PKIG: variants seen among roughly 807,000 people sequenced by gnomAD.
The protein encoded by PKIG is protein kinase (cAMP-dependent, catalytic) inhibitor gamma.
PKIG carries 1 observed loss-of-function variant against 6.8 expected under a neutral mutation model. The observed-to-expected ratio is 0.15, with a 90% CI of 0.05 to 0.69. The LOEUF (loss-of-function observed/expected upper bound fraction) is 0.69, where lower values mean the gene tolerates loss of function less well. Among genes scored for constraint, PKIG ranks in the 30% least tolerant of loss-of-function variants. The pLI is 0.82. For missense variants in PKIG, 77 were observed against 104.0 expected, an observed-to-expected ratio of 0.74 and a Z score of 1.13; for synonymous variants, 39 against 43.0, an observed-to-expected ratio of 0.91 and a Z score of 0.36.
chr20:44,597,627 T>C (rs939412359), intron 2 of PKIG, among the ~76,000 whole-genome samples: 1 of 152,232 alleles, frequency 6.6e-6, no homozygotes, highest in African/African-American at 2.4e-5. Flanking sequence ...AAGTCTGTGC[T>C]TCCATGAAGG....
chr20:44,585,991 T>G (rs1192656071), intron 1 of PKIG, among the ~76,000 whole-genome samples: 2 of 152,126 alleles, frequency 1.3e-5, no homozygotes, highest in Non-Finnish European at 2.9e-5. Context: ...TGGAAAGAGA[T>G]AGCAGGTGAG....
At chr20:44,611,373 C>T (rs2065217525) in intron 2 of PKIG, among the ~76,000 whole-genome samples, 1 of 150,830 alleles carries the variant, frequency 6.6e-6, no homozygotes, top group African/African-American at 2.4e-5. Context: ...TTATTGTTAA[C>T]CATCACCATA....
intron 2 of PKIG, among the ~76,000 whole-genome samples, chr20:44,596,709 T>C (rs1052001063): frequency 1.3e-5 from 2 of 152,168 alleles, no homozygotes; most frequent in African/African-American, 4.8e-5. Flanking sequence ...CCCCAGCCAC[T>C]GCTGGCAGTG....
rs572086627 is a variant in PKIG at position 44,593,108 on chromosome 20, C to T, written c.-24+3242C>T. On this transcript the variant is annotated intron_variant, in intron 2 of 3. Coordinates refer to ENST00000372886, the MANE Select transcript of PKIG (RefSeq NM_001281445.2). ...ATTCCAGCACTTTGGGAGGCTGAGGCGGGAGTTCGAGACCAACCTGGGCAA... is the reference window on the plus strand; with the variant it reads ...ATTCCAGCACTTTGGGAGGCTGAGGTGGGAGTTCGAGACCAACCTGGGCAA... Among the ~76,000 whole-genome samples the T allele has an allele frequency of 7.5e-4, 113 of 151,510 alleles. 2 individuals carry two copies. In the Middle Eastern group the frequency reaches 0.017, roughly 23 times the overall value.
At chr20:44,576,164 T>A in intron 1 of PKIG, among the ~76,000 whole-genome samples, 1 of 132,916 alleles carries the variant, frequency 7.5e-6, no homozygotes, top group South Asian at 2.2e-4. Flanking sequence ...GTAGAGTGTG[T>A]GTGTGTGTGT....
chr20:44,535,592 G>T (rs1389772678), intron 1 of PKIG, among the ~76,000 whole-genome samples: 1 of 152,170 alleles, frequency 6.6e-6, no homozygotes, highest in Non-Finnish European at 1.5e-5. Context: ...AGTGAGCTGA[G>T]ATTGTACCAT....
At chr20:44,569,004 AT>A (rs1175555641) in intron 1 of PKIG, among the ~76,000 whole-genome samples, 3 of 152,138 alleles carry the variant, frequency 2.0e-5, no homozygotes, top group Non-Finnish European at 4.4e-5. Context: ...GTCAGAGAGC[AT>A]TTACATTTTT....
chr20:44,616,110 C>T (rs1250357667), intron 3 of PKIG, among the ~76,000 whole-genome samples: 45 of 152,178 alleles, frequency 3.0e-4, no homozygotes, highest in Non-Finnish European at 1.0e-4. Flanking sequence ...TGTGGGCCTT[C>T]ACACGCTGCA....
chr20:44,581,515 G>A (rs559149409), upstream of PKIG, among the ~76,000 whole-genome samples: 4 of 152,170 alleles, frequency 2.6e-5, no homozygotes, highest in Non-Finnish European at 5.9e-5. Context: ...CATTGTACAC[G>A]AAAGTAGAGA....
At chr20:44,609,529 C>G (rs916757981) in intron 2 of PKIG, among the ~76,000 whole-genome samples, 1 of 152,218 alleles carries the variant, frequency 6.6e-6, no homozygotes, top group Non-Finnish European at 1.5e-5. Flanking sequence ...TAGACACAAA[C>G]TCCCTCTCCT....
At position 44,614,762 on chromosome 20, in the gene PKIG, C is replaced by T; in HGVS notation, c.151+55C>T. On this transcript the variant is annotated intron_variant, in intron 3 of 3. Coordinates refer to ENST00000372886, the MANE Select transcript of PKIG (RefSeq NM_001281445.2). This position sits in a 1 kb window ranked among gnomAD's most constrained non-coding sequence, Gnocchi z 4.6. ...GCATGCCAGAGGCCCTCTGCCGGGCCCCGGGCTAGCCTCCAAGTCCTAGAC... is the reference window on the plus strand; with the variant it reads ...GCATGCCAGAGGCCCTCTGCCGGGCTCCGGGCTAGCCTCCAAGTCCTAGAC... 2 of 1,583,668 alleles carry T rather than the reference C, an allele frequency of 1.3e-6. No homozygotes were observed. Among genetic ancestry groups the T allele is most frequent in the Non-Finnish European group, 1.7e-6 (2 of 1,159,308 alleles).
chr20:44,563,363 T>C (rs2064783841), intron 1 of PKIG, among the ~76,000 whole-genome samples: 1 of 151,488 alleles, frequency 6.6e-6, no homozygotes, highest in South Asian at 2.1e-4. Context: ...TTTTGTGGCT[T>C]AGAACAACTG....
At position 44,562,593 on chromosome 20, in the gene PKIG, C is replaced by A. The variant is rs1471812094; in HGVS notation, c.-240-19992C>A. On this transcript the variant is annotated intron_variant, in intron 1 of 4. Transcript: ENST00000372887. ...CTCCAGCCTAGGGGACACAGTGAGA[C>A]CCTGTCTCAAAAAAAAAAAAAAAAA... Among the ~76,000 whole-genome samples, 24 of 132,860 alleles carry A rather than the reference C, an allele frequency of 1.8e-4. 1 individual carries two copies. The highest frequency in any genetic ancestry group is 6.8e-4 in the African/African-American group (23 of 33,830). 87.2% of individuals were successfully genotyped at this position (132,860 alleles called of 152,430 possible).
chr20:44,539,988 C>T (rs1485406863), intron 1 of PKIG, among the ~76,000 whole-genome samples: 1 of 151,898 alleles, frequency 6.6e-6, no homozygotes, highest in East Asian at 1.9e-4. Context: ...GATGGAGTCT[C>T]GTTCTGTTGC....
chr20:44,581,142 G>A (rs182223023), upstream of PKIG, among the ~76,000 whole-genome samples: 155 of 152,176 alleles, frequency 1.0e-3, 2 homozygotes, highest in Non-Finnish European at 1.5e-4. Context: ...TGTCCCTTTC[G>A]TTTTGAGCTG....
intron 1 of PKIG, among the ~76,000 whole-genome samples, chr20:44,546,505 G>T (rs143107073): frequency 1.7e-4 from 26 of 151,606 alleles, no homozygotes; most frequent in Non-Finnish European, 3.4e-4. Flanking sequence ...ATTGTGCCCT[G>T]GTGAACTTCT....
chr20:44,608,998 T>G (rs2065190971), intron 2 of PKIG, among the ~76,000 whole-genome samples: 2 of 152,088 alleles, frequency 1.3e-5, no homozygotes, highest in South Asian at 4.1e-4. Context: ...ATTAACAGGG[T>G]TTGAGAATGA....
At chr20:44,548,506 T>C (rs1228606576) in intron 1 of PKIG, among the ~76,000 whole-genome samples, 1 of 152,172 alleles carries the variant, frequency 6.6e-6, no homozygotes, top group Admixed American at 6.5e-5. Flanking sequence ...TGTCCATATA[T>C]GCACTGAAAA....
At chr20:44,604,772 C>A (rs993849919) in intron 2 of PKIG, among the ~76,000 whole-genome samples, 3 of 152,176 alleles carry the variant, frequency 2.0e-5, no homozygotes, top group African/African-American at 7.2e-5. Context: ...GCAGCTGGGC[C>A]AGCCCTTTGG....
Sources: gnomAD v4.1 joint callset for allele counts (sites outside exome capture counted in the v4.1 genomes callset) on GRCh38, gnomAD v4.1.1 for gene constraint, Gnocchi (gnomAD v3.1) non-coding constraint, MANE v1.5 for transcripts, NCBI Gene and HGNC (gene_info 2026-07-23, HGNC 2026-07-21) for gene names.